The following COL21A1 variants were observed in gnomAD, a reference collection of about 807,000 sequenced individuals.
The protein encoded by COL21A1 is collagen type XXI alpha 1 chain.
In COL21A1, 149 loss-of-function variants were observed where a neutral mutation model predicts 137.9. The ratio of observed to expected loss-of-function variants is 1.08; its 90% CI spans 0.95 to 1.24. COL21A1 has a LOEUF of 1.24. Ranked by LOEUF, COL21A1 falls within the 50% of genes most tolerant of loss-of-function variation. COL21A1 has a pLI of 0.00. For synonymous variants in COL21A1, 456 were observed against 391.5 expected (o/e 1.16, Z -1.95); for missense variants, 1,167 against 1,158.4 (o/e 1.01, Z -0.11).
chr6:56,072,054 T>C (rs1582245156), intron 20 of COL21A1, among the ~76,000 whole-genome samples: 1 of 151,628 alleles, frequency 6.6e-6, no homozygotes, highest in Non-Finnish European at 1.5e-5. Context: ...CTCCCACTTA[T>C]AAGTGAGAAC....
chr6:56,268,931 C>G (rs1763458162), intron 1 of COL21A1, among the ~76,000 whole-genome samples: 1 of 152,168 alleles, frequency 6.6e-6, no homozygotes, highest in Non-Finnish European at 1.5e-5. Context: ...AAGAACAAAA[C>G]TGAATTTCTG....
intron 16 of COL21A1, among the ~76,000 whole-genome samples, chr6:56,104,627 G>A (rs10807509): frequency 0.072 from 10,913 of 152,048 alleles, 436 homozygotes; most frequent in Middle Eastern, 0.12. Flanking sequence ...TCTCATATCC[G>A]ATTTATTGTT....
At position 56,079,366 on chromosome 6, in the gene COL21A1, A is replaced by T. The variant is rs192980706; in HGVS notation, c.1813-1793T>A. ...CTGAATTTCTTACTAGTCTTTAATT[A>T]TTTAAAGTTTTTATCACTATTCAAG... On this transcript the variant is annotated intron_variant, in intron 17 of 29. Coordinates refer to ENST00000244728, the MANE Select transcript of COL21A1 (RefSeq NM_030820.4). 5.3e-3 allele frequency among the ~76,000 whole-genome samples: 804 copies of T among 151,834 alleles called. 17 individuals carry two copies. The highest frequency in any genetic ancestry group is 2.3e-3 in the East Asian group (12 of 5,154).
intron 1 of COL21A1, chr6:56,276,382 A>C (rs1005634013): frequency 1.9e-6 from 1 of 532,682 alleles, no homozygotes; most frequent in African/African-American, 1.9e-5. Flanking sequence ...TCTCAAATAA[A>C]AGTTGAAATA....
intron 1 of COL21A1, among the ~76,000 whole-genome samples, chr6:56,199,703 A>G (rs534819078): frequency 6.6e-6 from 1 of 152,318 alleles, no homozygotes; most frequent in Admixed American, 6.5e-5. Context: ...TGATTGGGTC[A>G]TATGGTTTGC....
chr6:56,132,044 A>C (rs533230994), intron 12 of COL21A1, among the ~76,000 whole-genome samples: 8 of 151,230 alleles, frequency 5.3e-5, no homozygotes, highest in African/African-American at 1.7e-4. Context: ...AGTAAGAGAA[A>C]TGAATTCACT....
intron 16 of COL21A1, among the ~76,000 whole-genome samples, chr6:56,120,321 G>A (rs1285844473): frequency 2.6e-5 from 4 of 152,268 alleles, no homozygotes; most frequent in East Asian, 3.9e-4. Flanking sequence ...GATACTCAAA[G>A]AAATGCAAAT....
chr6:56,215,887 A>T (rs78391708), intron 1 of COL21A1, among the ~76,000 whole-genome samples: 2,049 of 152,100 alleles, frequency 0.013, 45 homozygotes, highest in African/African-American at 0.046. Flanking sequence ...GTCATCTGTC[A>T]TTTTCCTGTA....
chr6:56,226,957 A>G (rs1477992930), intron 1 of COL21A1, among the ~76,000 whole-genome samples: 4 of 151,958 alleles, frequency 2.6e-5, no homozygotes, highest in Non-Finnish European at 5.9e-5. Flanking sequence ...GAGCCCACAA[A>G]CAGTATAATG....
At chr6:56,082,697 C>A (rs1767894661) in intron 17 of COL21A1, among the ~76,000 whole-genome samples, 1 of 151,082 alleles carries the variant, frequency 6.6e-6, no homozygotes. Context: ...GTAATCATAC[C>A]AAAATATTTT....
chr6:56,249,625 G>A (rs1255193109), upstream of COL21A1, among the ~76,000 whole-genome samples: 1 of 152,182 alleles, frequency 6.6e-6, no homozygotes, highest in African/African-American at 2.4e-5. Context: ...AACACTTATT[G>A]TATGATTCTG....
At chr6:56,077,435 C>A in intron 18 of COL21A1, 94 bp downstream of exon 18, 1 of 809,650 alleles carries the variant, frequency 1.2e-6, no homozygotes, top group South Asian at 1.7e-5. Context: ...GAAAAATTAA[C>A]TGTTACCACA....
intron 1 of COL21A1, among the ~76,000 whole-genome samples, chr6:56,341,293 AG>A (rs1461182034): frequency 3.3e-5 from 5 of 152,232 alleles, no homozygotes; most frequent in Non-Finnish European, 7.3e-5. Flanking sequence ...AATTTTGATA[AG>A]GTATGATGGA....
intron 17 of COL21A1, among the ~76,000 whole-genome samples, chr6:56,097,984 A>T (rs868325511): frequency 3.7e-5 from 2 of 54,286 alleles, no homozygotes; most frequent in Non-Finnish European, 2.9e-5. Context: ...AATATATATA[A>T]ATATATATGT....
chr6:56,177,744 A>C (rs1369812747), intron 3 of COL21A1, among the ~76,000 whole-genome samples: 2 of 134,850 alleles, frequency 1.5e-5, no homozygotes, highest in Non-Finnish European at 3.1e-5. Context: ...GTGAGCCGAG[A>C]TTGCACCACT....
intron 1 of COL21A1, among the ~76,000 whole-genome samples, chr6:56,199,704 T>C (rs1248403855): frequency 2.0e-5 from 3 of 152,328 alleles, no homozygotes; most frequent in South Asian, 4.1e-4. Context: ...GATTGGGTCA[T>C]ATGGTTTGCC....
chr6:56,113,276 C>A (rs897751916), intron 16 of COL21A1, among the ~76,000 whole-genome samples: 1 of 152,154 alleles, frequency 6.6e-6, no homozygotes, highest in African/African-American at 2.4e-5. Flanking sequence ...GCTCATGGAT[C>A]CAAAAGAGAC....
chr6:56,080,105 C>T (rs1767619026), intron 17 of COL21A1, among the ~76,000 whole-genome samples: 1 of 151,740 alleles, frequency 6.6e-6, no homozygotes, highest in African/African-American at 2.4e-5. Context: ...TTTAAGTTAG[C>T]AGTAATATTA....
chr6:56,369,555 T>C (rs2152349867), intron 1 of COL21A1, among the ~76,000 whole-genome samples: 1 of 152,128 alleles, frequency 6.6e-6, no homozygotes, highest in East Asian at 1.9e-4. Context: ...ATGTAAATCT[T>C]CCCATCTTAA....
Sources: allele counts gnomAD v4.1 joint callset (sites outside exome capture counted in the v4.1 genomes callset), GRCh38; gene constraint gnomAD v4.1.1; transcripts MANE v1.5; gene names NCBI Gene and HGNC (gene_info 2026-07-23, HGNC 2026-07-21).